Variants in AFAP1 observed in about 807,000 individuals in gnomAD.
AFAP1 encodes actin filament-associated protein 1.
In AFAP1, 75 loss-of-function variants were observed where a neutral mutation model predicts 93.9. That is an observed-to-expected ratio of 0.80 (90% CI 0.66 to 0.97). The LOEUF (loss-of-function observed/expected upper bound fraction) is 0.97. Ranked by LOEUF, AFAP1 falls within the 50% of genes least tolerant of loss-of-function variation. The pLI is 0.00. For missense variants in AFAP1, 1,201 were observed against 1,050.8 expected (o/e 1.14, Z -1.98); for synonymous variants, 517 against 430.7 (o/e 1.20, Z -2.48).
At chr4:7,898,557 A>G (rs1449706184) in intron 1 of AFAP1, among the ~76,000 whole-genome samples, 1 of 151,930 alleles carries the variant, frequency 6.6e-6, no homozygotes, top group Non-Finnish European at 1.5e-5. Flanking sequence ...ATGTTTGGGC[A>G]ATCTGAGGGA....
chr4:7,860,304 T>G (rs532189436), intron 3 of AFAP1, among the ~76,000 whole-genome samples: 3 of 152,058 alleles, frequency 2.0e-5, no homozygotes, highest in Non-Finnish European at 2.9e-5. Flanking sequence ...GGGGGTGGAT[T>G]TGGAATATGT....
intron 15 of AFAP1, chr4:7,774,159 G>C (rs1045596616): frequency 5.9e-5 from 9 of 152,828 alleles, no homozygotes; most frequent in Non-Finnish European, 1.2e-4. Context: ...CCTGGCCCAG[G>C]GCTGCCACTC....
At chr4:7,862,080 C>T (rs904584160) in intron 3 of AFAP1, 1 of 152,178 alleles carries the variant, frequency 6.6e-6, no homozygotes. Context: ...CATCTGTAGT[C>T]CCCGCTACTC....
intron 1 of AFAP1, among the ~76,000 whole-genome samples, chr4:7,881,525 G>T (rs187031482): frequency 6.6e-6 from 1 of 152,146 alleles, no homozygotes. Context: ...GCTCCCACCT[G>T]TAATCCCAAC....
intron 1 of AFAP1, among the ~76,000 whole-genome samples, chr4:7,930,894 G>A (rs898483857): frequency 1.3e-5 from 2 of 152,248 alleles, no homozygotes; most frequent in Admixed American, 1.3e-4. Flanking sequence ...GAGACTACAG[G>A]TGTGCAACAC....
chr4:7,820,905 G>A (rs1017030994), intron 6 of AFAP1, among the ~76,000 whole-genome samples: 6 of 152,082 alleles, frequency 3.9e-5, no homozygotes, highest in African/African-American at 1.2e-4. Flanking sequence ...GATCACCAGA[G>A]GTCGGGAGCT....
chr4:7,930,450 A>T (rs577879949), intron 1 of AFAP1, among the ~76,000 whole-genome samples: 3 of 152,136 alleles, frequency 2.0e-5, no homozygotes, highest in African/African-American at 7.2e-5. Flanking sequence ...CCCCGGAGGT[A>T]GGGGTAGGGC....
In AFAP1 at chr4:7,771,250, C is replaced by T. The variant is rs140502569; in HGVS notation, c.2253+1570G>A. Among the ~76,000 whole-genome samples the T allele has an allele frequency of 1.8e-3, 277 of 152,074 alleles. 1 individual carries two copies. The highest frequency in any genetic ancestry group is 5.8e-3 in the South Asian group (28 of 4,820). On this transcript the variant is annotated intron_variant, in intron 16 of 17. Transcript: ENST00000420658. ...AACACAGAATGTGGGCTGGGCATGG[C>T]GGCCCCCGCCGGTAACCACAGTGAC...
intron 1 of AFAP1, among the ~76,000 whole-genome samples, chr4:7,896,158 T>C (rs1718750806): frequency 6.6e-6 from 1 of 152,126 alleles, no homozygotes; most frequent in Non-Finnish European, 1.5e-5. Flanking sequence ...GCTCAGAAAG[T>C]ATTTTTTATA....
At chr4:7,887,011 C>T in intron 1 of AFAP1, among the ~76,000 whole-genome samples, 1 of 152,266 alleles carries the variant, frequency 6.6e-6, no homozygotes, top group Admixed American at 6.5e-5. Context: ...CAGACACATA[C>T]CTGGACTCAC....
At chr4:7,892,416 G>C (rs1718523501) in intron 1 of AFAP1, among the ~76,000 whole-genome samples, 1 of 152,172 alleles carries the variant, frequency 6.6e-6, no homozygotes, top group African/African-American at 2.4e-5. Flanking sequence ...GACTGAGAGA[G>C]CAGTTCACAG....
chr4:7,842,270 T>G (rs1421624760), intron 5 of AFAP1, among the ~76,000 whole-genome samples: 3 of 99,454 alleles, frequency 3.0e-5, no homozygotes, highest in African/African-American at 1.2e-4. Context: ...AAAAAAAGAT[T>G]CCCACAATTC....
intron 1 of AFAP1, among the ~76,000 whole-genome samples, chr4:7,875,654 G>T (rs753896878): frequency 1.2e-4 from 18 of 149,554 alleles, no homozygotes; most frequent in Non-Finnish European, 2.5e-4. Context: ...CGGGACGGGG[G>T]GCTGATAGCA....
chr4:7,907,678 T>C (rs1207262916), intron 1 of AFAP1, among the ~76,000 whole-genome samples: 1 of 152,178 alleles, frequency 6.6e-6, no homozygotes, highest in East Asian at 1.9e-4. Flanking sequence ...GCAGCTCAGA[T>C]TTTGGATTTT....
At chr4:7,853,685 T>C (rs968603677) in intron 4 of AFAP1, among the ~76,000 whole-genome samples, 12 of 152,204 alleles carry the variant, frequency 7.9e-5, no homozygotes, top group African/African-American at 2.9e-4. Flanking sequence ...GATAAGACCA[T>C]AACCCACGCA....
At position 7,875,464 on chromosome 4, in the gene AFAP1, TA is replaced by T. The variant is rs574344213; in HGVS notation, c.-2-3385del. ...ATTCTAAGCAATCTCATCTATACTT[TA>T]AAAATGGACGAGGCATGTTGGCTCA... On this transcript the variant is annotated intron_variant, in intron 1 of 17. Coordinates refer to ENST00000420658, the MANE Select transcript of AFAP1 (RefSeq NM_001134647.2). 9.2e-5 allele frequency among the ~76,000 whole-genome samples: 14 copies of T among 152,174 alleles called. No homozygotes were observed. The East Asian group carries it at 2.1e-3, about 23-fold the overall frequency.
At chr4:7,891,041 A>G (rs943931821) in intron 1 of AFAP1, among the ~76,000 whole-genome samples, 6 of 152,222 alleles carry the variant, frequency 3.9e-5, no homozygotes, top group African/African-American at 7.2e-5. Flanking sequence ...ACAGATTGCA[A>G]TATGTTCACA....
chr4:7,901,295 C>T (rs1055331345), intron 1 of AFAP1, among the ~76,000 whole-genome samples: 2 of 152,232 alleles, frequency 1.3e-5, no homozygotes, highest in Non-Finnish European at 2.9e-5. Context: ...CACTCCACAT[C>T]AAGTTCACAA....
At chr4:7,788,779 G>GC (rs1389231663) in intron 11 of AFAP1, 5 of 136,290 alleles carry the variant, frequency 3.7e-5, no homozygotes, top group Non-Finnish European at 7.8e-5. Context: ...ATAAAGCCTG[G>GC]CCACAGGGAC....
Sources: gnomAD v4.1 joint callset for allele counts (sites outside exome capture counted in the v4.1 genomes callset) on GRCh38, gnomAD v4.1.1 for gene constraint, MANE v1.5 for transcripts, NCBI Gene and HGNC (gene_info 2026-07-23, HGNC 2026-07-21) for gene names.